Variants in ZNF804B observed in about 807,000 individuals in gnomAD.
ZNF804B encodes zinc finger 804B.
Under a neutral mutation model 101.4 loss-of-function variants are expected in ZNF804B, and 80 were observed. That is an observed-to-expected ratio of 0.79 (90% CI 0.66 to 0.95). ZNF804B has a LOEUF of 0.95. Ranked by LOEUF, ZNF804B falls within the 40% of genes least tolerant of loss-of-function variation. ZNF804B has a pLI of 0.00. For synonymous variants in ZNF804B, 622 were observed against 558.8 expected, an observed-to-expected ratio of 1.11 and a Z score of -1.59; for missense variants, 1,673 against 1,561.9, an observed-to-expected ratio of 1.07 and a Z score of -1.20.
intron 2 of ZNF804B, among the ~76,000 whole-genome samples, chr7:89,222,659 C>G (rs1417356962): frequency 6.6e-6 from 1 of 151,910 alleles, no homozygotes; most frequent in East Asian, 1.9e-4. Context: ...ATTATCTTCT[C>G]TCTCCCTGAA....
chr7:88,890,732 A>G (rs890845551), intron 1 of ZNF804B, among the ~76,000 whole-genome samples: 3 of 152,168 alleles, frequency 2.0e-5, no homozygotes, highest in African/African-American at 7.2e-5. Context: ...ATATAACTGC[A>G]TGTTCTTAAT....
chr7:88,952,483 TTTGTC>T (rs1793239346), intron 1 of ZNF804B, among the ~76,000 whole-genome samples: 1 of 151,856 alleles, frequency 6.6e-6, no homozygotes, highest in Non-Finnish European at 1.5e-5. Flanking sequence ...TGTGTTATTT[TTTGTC>T]TTATCTGTTA....
chr7:89,321,765 C>T (rs1487669442), intron 2 of ZNF804B, among the ~76,000 whole-genome samples: 1 of 143,892 alleles, frequency 6.9e-6, no homozygotes, highest in Non-Finnish European at 1.5e-5. Context: ...GGAAAAAAAT[C>T]CTGAATGAAT....
chr7:88,940,591 A>C (rs951772161), intron 1 of ZNF804B, among the ~76,000 whole-genome samples: 1 of 151,644 alleles, frequency 6.6e-6, no homozygotes, highest in Non-Finnish European at 1.5e-5. Context: ...ACAACATAGC[A>C]AGACAGTGTC....
chr7:88,936,020 C>A (rs920251732), intron 1 of ZNF804B, among the ~76,000 whole-genome samples: 2 of 149,968 alleles, frequency 1.3e-5, no homozygotes, highest in African/African-American at 4.9e-5. Context: ...TTTTCTTCCT[C>A]CTGCCCACCC....
chr7:88,794,795 T>A lies in ZNF804B; in HGVS notation c.108+34711T>A, dbSNP rs771042445. On this transcript the variant is annotated intron_variant, in intron 1 of 3. Coordinates refer to ENST00000333190, the MANE Select transcript of ZNF804B (RefSeq NM_181646.5). The stretch of plus-strand genomic sequence containing the variant: ...GCTTGTATCTTGGCCACTAGAAACA[T>A]CCTATCAAGAAGGAATTTCTTTAGG... 3.1e-6 allele frequency: 5 copies of A among 1,613,788 alleles called. No individual in the cohort carries two copies. In the South Asian group the frequency reaches 5.5e-5, roughly 18 times the overall value.
intron 1 of ZNF804B, among the ~76,000 whole-genome samples, chr7:88,851,250 A>G (rs909745147): frequency 6.6e-6 from 1 of 152,122 alleles, no homozygotes; most frequent in Non-Finnish European, 1.5e-5. Flanking sequence ...ATATTTTCTC[A>G]ATTTTATAAA....
At chr7:89,251,718 C>A (rs1789544034) in intron 2 of ZNF804B, among the ~76,000 whole-genome samples, 1 of 151,952 alleles carries the variant, frequency 6.6e-6, no homozygotes, top group Non-Finnish European at 1.5e-5. Flanking sequence ...AATAGAAAGA[C>A]CAATGGAACA....
chr7:89,038,992 T>C (rs1287832530), intron 1 of ZNF804B, among the ~76,000 whole-genome samples: 1 of 152,082 alleles, frequency 6.6e-6, no homozygotes, highest in Non-Finnish European at 1.5e-5. Flanking sequence ...ATTTTTAGGC[T>C]CTTTATTCTG....
chr7:89,124,032 C>T (rs929845372), intron 1 of ZNF804B, among the ~76,000 whole-genome samples: 4 of 152,142 alleles, frequency 2.6e-5, no homozygotes, highest in Non-Finnish European at 2.9e-5. Flanking sequence ...GAAGGAACCA[C>T]GTTGAATTGT....
rs540154947 is a variant in ZNF804B, at chr7:89,100,213, A to G, written c.109-117942A>G. Among the ~76,000 whole-genome samples the G allele has an allele frequency of 3.9e-5, 6 of 152,328 alleles. No homozygotes were observed. The South Asian group carries it at 1.2e-3, about 32-fold the overall frequency. ...AAGTGCCAAGAACAGACATTGGGGA[A>G]AAGGCAGTCTCTTCAATAAATAGTG... On this transcript the variant is annotated intron_variant, in intron 1 of 3. Transcript: ENST00000333190.
At chr7:88,766,313 A>AAAAT (rs1365209555) in intron 1 of ZNF804B, among the ~76,000 whole-genome samples, 18 of 152,284 alleles carry the variant, frequency 1.2e-4, no homozygotes, top group African/African-American at 3.9e-4. Flanking sequence ...CCTTGTCTCA[A>AAAAT]AAATAAATAA....
At chr7:88,799,999 T>G (rs1790553684) in intron 1 of ZNF804B, among the ~76,000 whole-genome samples, 1 of 152,100 alleles carries the variant, frequency 6.6e-6, no homozygotes, top group East Asian at 1.9e-4. Flanking sequence ...GATTTCCATC[T>G]GGAATACCAG....
intron 1 of ZNF804B, among the ~76,000 whole-genome samples, chr7:89,110,752 AT>A (rs1790203854): frequency 6.6e-6 from 1 of 152,124 alleles, no homozygotes; most frequent in Non-Finnish European, 1.5e-5. Context: ...CAGTCTTTGT[AT>A]TATTCAATTT....
intron 1 of ZNF804B, among the ~76,000 whole-genome samples, chr7:88,862,987 C>T (rs953692223): frequency 6.6e-6 from 1 of 152,170 alleles, no homozygotes; most frequent in Non-Finnish European, 1.5e-5. Context: ...AATCATGTCA[C>T]TTCCCCTCAT....
chr7:89,196,526 A>G (rs1033841779), intron 1 of ZNF804B, among the ~76,000 whole-genome samples: 2 of 151,920 alleles, frequency 1.3e-5, no homozygotes, highest in Admixed American at 6.6e-5. Context: ...ATAAAAACCC[A>G]GGAGAAAATC....
chr7:89,334,155 G>C lies in ZNF804B; in HGVS notation c.1173G>C (p.Glu391Asp), dbSNP rs773349259. The C allele has an allele frequency of 1.9e-6, 3 of 1,613,532 alleles. No individual in the cohort carries two copies. The highest frequency in any genetic ancestry group is 2.5e-6 in the Non-Finnish European group (3 of 1,179,806). The change falls in exon 4 of 4, where the codon GAG becomes GAC. Residue 391 changes from glutamate (E) to aspartate (D), a missense_variant. Coordinates refer to ENST00000333190, the MANE Select transcript of ZNF804B (RefSeq NM_181646.5). ...GCCTGGATGAGTTTTCATCACTGGA[G>C]CCAAGTGAACAAAAGAGTACAGTGC... ...SECLDEFSSL[E>D]PSEQKSTVHL...
intron 1 of ZNF804B, among the ~76,000 whole-genome samples, chr7:88,899,313 G>T (rs369528214): frequency 6.6e-6 from 1 of 152,028 alleles, no homozygotes; most frequent in African/African-American, 2.4e-5. Context: ...TCTGGGGACG[G>T]TGGTTACCTA....
At chr7:88,878,211 C>A (rs1791980379) in intron 1 of ZNF804B, among the ~76,000 whole-genome samples, 1 of 152,068 alleles carries the variant, frequency 6.6e-6, no homozygotes, top group South Asian at 2.1e-4. Context: ...CCCATTGGTA[C>A]CTTTTTTATG....
Sources: gnomAD v4.1 joint callset for allele counts (sites outside exome capture counted in the v4.1 genomes callset) on GRCh38, gnomAD v4.1.1 for gene constraint, MANE v1.5 for transcripts, NCBI Gene and HGNC (gene_info 2026-07-23, HGNC 2026-07-21) for gene names.